The following PHLPP1 variants were observed in gnomAD, a reference collection of about 807,000 sequenced individuals.
PHLPP1 encodes PH domain and leucine rich repeat protein phosphatase 1.
Under a neutral mutation model 117.2 loss-of-function variants are expected in PHLPP1, and 42 were observed. That is an observed-to-expected ratio of 0.36 (90% CI 0.28 to 0.46). PHLPP1 has a LOEUF of 0.46. PHLPP1 is among the 20% of genes least tolerant of loss of function. The probability of loss-of-function intolerance (pLI) is 1.00; values close to 1 mark genes in which losing one functional copy is unlikely to be tolerated. For synonymous variants in PHLPP1, 1,042 were observed against 970.7 expected (o/e 1.07, Z -1.37); for missense variants, 2,084 against 2,241.9 (o/e 0.93, Z 1.42).
intron 1 of PHLPP1, among the ~76,000 whole-genome samples, chr18:62,734,617 C>CA (rs890674680): frequency 2.6e-5 from 4 of 151,958 alleles, no homozygotes; most frequent in Admixed American, 2.0e-4. Context: ...ACCATGGTAA[C>CA]AAAAAAAATT....
chr18:62,830,703 A>G (rs754693835), intron 2 of PHLPP1, among the ~76,000 whole-genome samples: 34 of 152,116 alleles, frequency 2.2e-4, no homozygotes, highest in Non-Finnish European at 4.4e-4. Context: ...AAACAGTGCC[A>G]TTGGCTCATG....
At chr18:62,726,955 C>T (rs1481945052) in intron 1 of PHLPP1, among the ~76,000 whole-genome samples, 4 of 151,388 alleles carry the variant, frequency 2.6e-5, no homozygotes, top group African/African-American at 4.8e-5. Flanking sequence ...AGGCCGGGTG[C>T]GGTGGCTCAC....
In PHLPP1 at chr18:62,978,288, G is replaced by C. The variant is rs1911256034; in HGVS notation, c.4011G>C (p.Glu1337Asp). The change falls in exon 17 of 17, where the codon GAG becomes GAC. Residue 1337 changes from glutamate to aspartate, a missense_variant. This residue lies in a region of PHLPP1 where 1,365 missense variants were observed against 1,605.9 expected (regional missense o/e 0.85). Coordinates refer to ENST00000262719, the MANE Select transcript of PHLPP1 (RefSeq NM_194449.4). The surrounding 1 kb of genome is among the most constrained non-coding windows in gnomAD (Gnocchi z 7.0). ...TEDGKVNGVT[E>D]STRILGYTFL... is the part of the protein sequence containing the mutation. ...ATGGCAAGGTGAACGGAGTGACTGA[G>C]TCCACGCGCATCCTGGGCTACACCT... The C allele has an allele frequency of 6.2e-7, 1 of 1,609,292 alleles. No homozygotes were observed. The highest frequency in any genetic ancestry group is 1.3e-5 in the African/African-American group (1 of 74,926).
intron 1 of PHLPP1, among the ~76,000 whole-genome samples, chr18:62,822,438 C>T (rs949184375): frequency 1.4e-4 from 21 of 151,734 alleles, no homozygotes; most frequent in African/African-American, 7.3e-5. Flanking sequence ...CCCGCCACCA[C>T]GCCCAGCTAT....
rs748104606 is a variant in PHLPP1, at chr18:62,895,836, G to C, written c.2269G>C (p.Glu757Gln). ...NFLQSLPAELENMKQLSYLGL... is the reference protein window; with the variant it reads ...NFLQSLPAELQNMKQLSYLGL... ...TCTCCAATCCCTTCCTGCTGAGTTG[G>C]AGAACATGAAGCAGCTTAGTTATCT... The change falls in exon 6 of 17, where the codon GAG becomes CAG. Residue 757 changes from glutamate to glutamine, a missense_variant. Coordinates refer to ENST00000262719, the MANE Select transcript of PHLPP1 (RefSeq NM_194449.4). 4 of 1,613,730 alleles carry C rather than the reference G, an allele frequency of 2.5e-6. No homozygotes were observed. The South Asian group carries it at 3.3e-5, about 13-fold the overall frequency.
chr18:62,828,941 CT>C (rs1261305502), intron 1 of PHLPP1, among the ~76,000 whole-genome samples: 1 of 152,100 alleles, frequency 6.6e-6, no homozygotes, highest in Non-Finnish European at 1.5e-5. Context: ...TGGGGAAATA[CT>C]TTTCTGGTTG....
intron 3 of PHLPP1, among the ~76,000 whole-genome samples, chr18:62,841,319 TTTTC>T (rs996662612): frequency 1.3e-5 from 2 of 151,810 alleles, no homozygotes; most frequent in East Asian, 1.9e-4. Context: ...ACTTTTCTGT[TTTTC>T]TTTCTCTCTT....
At position 62,895,810 on chromosome 18, in the gene PHLPP1, T is replaced by C; in HGVS notation, c.2243T>C (p.Phe748Ser). 1 of 1,612,462 alleles carries C rather than the reference T, an allele frequency of 6.2e-7. No homozygotes were observed. The change falls in exon 6 of 17, where the codon TTT becomes TCT. Residue 748 changes from phenylalanine (F) to serine (S), a missense_variant. Physicochemically the swap from Phe to Ser is radical, Grantham distance 155. This residue lies in a region of PHLPP1 where 1,365 missense variants were observed against 1,605.9 expected (regional missense o/e 0.85). Transcript: ENST00000262719. ...NLQTFLLDGN[F>S]LQSLPAELEN... Reference sequence around the variant, plus strand: ...CAGACATTTTTGTTGGATGGAAACTTTCTCCAATCCCTTCCTGCTGAGTTG... The same window carrying C: ...CAGACATTTTTGTTGGATGGAAACTCTCTCCAATCCCTTCCTGCTGAGTTG...
At chr18:62,959,852 T>C (rs1910715416) in intron 13 of PHLPP1, among the ~76,000 whole-genome samples, 1 of 152,200 alleles carries the variant, frequency 6.6e-6, no homozygotes, top group African/African-American at 2.4e-5. Flanking sequence ...ATGAGAAAAT[T>C]AATTTTGATA....
intron 1 of PHLPP1, among the ~76,000 whole-genome samples, chr18:62,784,472 T>G (rs570077074): frequency 6.6e-6 from 1 of 152,348 alleles, no homozygotes; most frequent in Non-Finnish European, 1.5e-5. Flanking sequence ...GCCATACCCA[T>G]AAGCTGTCAT....
intron 1 of PHLPP1, among the ~76,000 whole-genome samples, chr18:62,757,997 A>G (rs1207345123): frequency 2.6e-5 from 4 of 152,236 alleles, no homozygotes; most frequent in African/African-American, 9.6e-5. Flanking sequence ...GTTTAGGGAC[A>G]CTTTTAAATA....
intron 1 of PHLPP1, among the ~76,000 whole-genome samples, chr18:62,787,909 A>G (rs532167751): frequency 8.5e-5 from 13 of 152,202 alleles, no homozygotes; most frequent in Non-Finnish European, 1.6e-4. Flanking sequence ...GGGTTGGTTA[A>G]GTGGAACTTG....
At chr18:62,775,075 A>G (rs1912908264) in intron 1 of PHLPP1, among the ~76,000 whole-genome samples, 1 of 152,164 alleles carries the variant, frequency 6.6e-6, no homozygotes, top group African/African-American at 2.4e-5. Context: ...ACCCAATAGC[A>G]GAATCTGTGG....
At chr18:62,732,765 G>A (rs531571508) in intron 1 of PHLPP1, among the ~76,000 whole-genome samples, 1 of 152,354 alleles carries the variant, frequency 6.6e-6, no homozygotes, top group South Asian at 2.1e-4. Context: ...CATGGGAGGA[G>A]AACCTCCATT....
At chr18:62,894,448 C>T (rs868059852) in intron 4 of PHLPP1, among the ~76,000 whole-genome samples, 2 of 152,272 alleles carry the variant, frequency 1.3e-5, no homozygotes, top group Non-Finnish European at 2.9e-5. Flanking sequence ...CCACTCATCT[C>T]GGCTTCTCAA....
At chr18:62,921,581 T>G (rs112882845) in intron 10 of PHLPP1, among the ~76,000 whole-genome samples, 1 of 152,338 alleles carries the variant, frequency 6.6e-6, no homozygotes, top group African/African-American at 2.4e-5. Context: ...GTCTTAATTA[T>G]AGTTTTATCA....
intron 4 of PHLPP1, among the ~76,000 whole-genome samples, chr18:62,882,108 C>T (rs1276870771): frequency 6.6e-6 from 1 of 152,042 alleles, no homozygotes; most frequent in Non-Finnish European, 1.5e-5. Flanking sequence ...ATGCAGGTTG[C>T]CCTATATCAT....
chr18:62,878,966 T>C (rs1011848157), intron 4 of PHLPP1, among the ~76,000 whole-genome samples: 2 of 152,248 alleles, frequency 1.3e-5, no homozygotes, highest in South Asian at 4.1e-4. Flanking sequence ...ACAGGGCTTC[T>C]TTCTCCTTAA....
chr18:62,772,598 T>C (rs1217104667), intron 1 of PHLPP1, among the ~76,000 whole-genome samples: 1 of 151,954 alleles, frequency 6.6e-6, no homozygotes, highest in Non-Finnish European at 1.5e-5. Context: ...GGGAGGCCGA[T>C]GTGGGTGGAT....
Sources: allele counts gnomAD v4.1 joint callset (sites outside exome capture counted in the v4.1 genomes callset), GRCh38; gene constraint gnomAD v4.1.1; regional missense constraint gnomAD v4.1.1; non-coding constraint Gnocchi (gnomAD v3.1); transcripts MANE v1.5; gene names NCBI Gene and HGNC (gene_info 2026-07-23, HGNC 2026-07-21).